PTPRN2: variants seen among roughly 807,000 people sequenced by gnomAD.
PTPRN2 encodes receptor-type tyrosine-protein phosphatase N2.
A neutral mutation model predicts 118.8 loss-of-function variants in PTPRN2; 74 were observed. The observed-to-expected ratio is 0.62, with a 90% CI of 0.52 to 0.76. The LOEUF (loss-of-function observed/expected upper bound fraction) is 0.76. Among genes scored for constraint, PTPRN2 ranks in the 30% least tolerant of loss-of-function variants. The pLI, the probability that PTPRN2 is intolerant of heterozygous loss-of-function variation, is 0.00. For missense variants in PTPRN2, 1,481 were observed against 1,394.4 expected (o/e 1.06, Z -0.99); for synonymous variants, 641 against 608.0 (o/e 1.05, Z -0.80).
chr7:158,225,401 G>A (rs79702184), intron 3 of PTPRN2, among the ~76,000 whole-genome samples: 4,588 of 152,086 alleles, frequency 0.03, 202 homozygotes, highest in East Asian at 0.17. Context: ...AGGAAAGAAC[G>A]ATTAGTACAC....
intron 12 of PTPRN2, among the ~76,000 whole-genome samples, chr7:157,687,674 G>A (rs770801113): frequency 1.3e-4 from 20 of 152,078 alleles, no homozygotes; most frequent in Non-Finnish European, 2.1e-4. Flanking sequence ...TTGGTTTGCT[G>A]GATGAATCCT....
intron 2 of PTPRN2, among the ~76,000 whole-genome samples, chr7:158,439,554 C>A (rs900199997): frequency 1.3e-5 from 2 of 152,170 alleles, no homozygotes; most frequent in African/African-American, 4.8e-5. Flanking sequence ...AAACAGTAAT[C>A]TTTGTGGCTT....
At chr7:158,111,754 C>T (rs1289922417) in intron 9 of PTPRN2, among the ~76,000 whole-genome samples, 2 of 151,626 alleles carry the variant, frequency 1.3e-5, no homozygotes, top group African/African-American at 2.4e-5. Context: ...GAGGGGTTCA[C>T]ATTCTAGAGA....
chr7:158,331,486 C>T (rs1316121788), intron 2 of PTPRN2, among the ~76,000 whole-genome samples: 2 of 148,464 alleles, frequency 1.3e-5, no homozygotes, highest in Non-Finnish European at 3.0e-5. Context: ...CACACCCACA[C>T]TCTCACCATA....
intron 12 of PTPRN2, among the ~76,000 whole-genome samples, chr7:157,888,503 A>G (rs116251902): frequency 0.014 from 2,098 of 152,150 alleles, 52 homozygotes; most frequent in African/African-American, 0.048. Flanking sequence ...GGGCCCCGTC[A>G]GGAACGTGTG....
chr7:157,771,034 G>T lies in PTPRN2; in HGVS notation c.1789-88097C>A, dbSNP rs112217065. On this transcript the variant is annotated intron_variant, in intron 12 of 22. Transcript: ENST00000389418. ...TGGGCTCAGACTCGAGAGACTGGCA[G>T]CTCCCATTTCCTCTCTTGGGACACT... Among the ~76,000 whole-genome samples the T allele has an allele frequency of 2.0e-3, 309 of 152,370 alleles. 2 individuals are homozygous for T. The highest frequency in any genetic ancestry group is 6.8e-3 in the African/African-American group (283 of 41,584).
In PTPRN2 at chr7:158,337,412, C is replaced by A. The variant is rs10278282; in HGVS notation, c.164-20480G>T. Among the ~76,000 whole-genome samples, 354 of 62,910 alleles carry A rather than the reference C, an allele frequency of 5.6e-3. 27 individuals are homozygous for A. The highest frequency in any genetic ancestry group is 0.011 in the East Asian group (22 of 2,092). The allele number at this position is 62,910 out of a possible 152,430, so 41.3% of individuals were successfully genotyped here. ...AGGTAACACCTGCAGACGTCCCTCA[C>A]ACCCACACTCTCACCATAAGAGGTG... is the stretch of plus-strand genomic sequence containing the variant. On this transcript the variant is annotated intron_variant, in intron 2 of 22. Coordinates refer to ENST00000389418, the MANE Select transcript of PTPRN2 (RefSeq NM_002847.5).
intron 1 of PTPRN2, among the ~76,000 whole-genome samples, chr7:158,494,735 G>A (rs1272092837): frequency 6.6e-6 from 1 of 152,162 alleles, no homozygotes; most frequent in Non-Finnish European, 1.5e-5. Context: ...AGGACCCCGT[G>A]GCTGTGCAAA....
At position 158,395,312 on chromosome 7, in the gene PTPRN2, TGAGGGGCGAGGGGC is replaced by T. The variant is rs1171399088; in HGVS notation, c.164-78394_164-78381del. Among the ~76,000 whole-genome samples, 17 of 36,992 alleles carry T rather than the reference TGAGGGGCGAGGGGC, an allele frequency of 4.6e-4. 1 individual carries two copies. The East Asian group carries it at 0.01, about 22-fold the overall frequency. The allele number at this position is 36,992 out of a possible 152,430, so 24.3% of individuals were successfully genotyped here. A position where few individuals can be genotyped will look rare whatever the true frequency, so the allele number is the denominator to read the frequency against. ...GGGGTGAGGGGTGAGGGGCGAGGGG[TGAGGGGCGAGGGGC>T]GAGGGGCGAGGCGCGAGGGGCCAGG... is the stretch of plus-strand genomic sequence containing the variant. On this transcript the variant is annotated intron_variant, in intron 2 of 22. Coordinates refer to ENST00000389418, the MANE Select transcript of PTPRN2 (RefSeq NM_002847.5).
At chr7:157,939,805 G>T (rs1437884563) in intron 11 of PTPRN2, among the ~76,000 whole-genome samples, 4 of 152,200 alleles carry the variant, frequency 2.6e-5, no homozygotes, top group African/African-American at 9.7e-5. Context: ...ATTTGGCTGG[G>T]TACTGGGCAC....
chr7:158,390,689 G>A (rs1030359714), intron 2 of PTPRN2, among the ~76,000 whole-genome samples: 8 of 152,222 alleles, frequency 5.3e-5, no homozygotes, highest in Admixed American at 3.9e-4. Flanking sequence ...CCCAGAGGGT[G>A]CAGAACCACC....
chr7:157,911,915 C>G (rs767234054), intron 11 of PTPRN2, among the ~76,000 whole-genome samples: 3 of 152,204 alleles, frequency 2.0e-5, no homozygotes, highest in Admixed American at 6.5e-5. Context: ...CATGGTGGCT[C>G]ATGCATTTTC....
chr7:157,814,241 T>C (rs1321768044), intron 12 of PTPRN2, among the ~76,000 whole-genome samples: 1 of 152,116 alleles, frequency 6.6e-6, no homozygotes, highest in Non-Finnish European at 1.5e-5. Context: ...TCCCATTTCC[T>C]CCCAGGTCCT....
At chr7:157,777,707 C>T (rs1585439978) in intron 12 of PTPRN2, among the ~76,000 whole-genome samples, 1 of 152,342 alleles carries the variant, frequency 6.6e-6, no homozygotes, top group East Asian at 1.9e-4. Flanking sequence ...TGACATAATT[C>T]AGCGAACTTC....
At chr7:158,283,806 A>T (rs1270776801) in intron 3 of PTPRN2, among the ~76,000 whole-genome samples, 2 of 152,010 alleles carry the variant, frequency 1.3e-5, no homozygotes, top group Admixed American at 6.6e-5. Context: ...CCTCCTGAGC[A>T]CCAGAAATGC....
intron 3 of PTPRN2, among the ~76,000 whole-genome samples, chr7:158,210,413 G>C (rs1827511987): frequency 6.6e-6 from 1 of 151,970 alleles, no homozygotes; most frequent in Non-Finnish European, 1.5e-5. Context: ...GCATCTTAAA[G>C]AACTAGAAAA....
chr7:158,331,045 C>T (rs71545590), intron 2 of PTPRN2, among the ~76,000 whole-genome samples: 42 of 143,050 alleles, frequency 2.9e-4, no homozygotes, highest in African/African-American at 1.0e-3. Context: ...TAAGAGGTGA[C>T]ACCTGCAGAC....
intron 3 of PTPRN2, among the ~76,000 whole-genome samples, chr7:158,270,887 A>ACGG: frequency 1.9e-4 from 1 of 5,354 alleles, no homozygotes; most frequent in African/African-American, 1.3e-3. Context: ...CACCTGGATG[A>ACGG]CCCCCTCCAC....
chr7:157,955,065 G>A (rs756897757), intron 11 of PTPRN2, among the ~76,000 whole-genome samples: 17 of 152,090 alleles, frequency 1.1e-4, no homozygotes, highest in Non-Finnish European at 2.5e-4. Context: ...GCCTCTCACC[G>A]TCCCCAAGGA....
Sources: allele counts gnomAD v4.1 joint callset (sites outside exome capture counted in the v4.1 genomes callset), GRCh38; gene constraint gnomAD v4.1.1; transcripts MANE v1.5; gene names NCBI Gene and HGNC (gene_info 2026-07-23, HGNC 2026-07-21).